The following PPP1R14C variants were observed in gnomAD, a reference collection of about 807,000 sequenced individuals.
PPP1R14C encodes protein phosphatase 1 regulatory subunit 14C.
Under a neutral mutation model 20.4 loss-of-function variants are expected in PPP1R14C, and 16 were observed. The ratio of observed to expected loss-of-function variants is 0.78; its 90% confidence interval spans 0.53 to 1.19. The LOEUF is 1.19. PPP1R14C is among the 50% of genes most tolerant of loss of function. The pLI, the probability that PPP1R14C is intolerant of heterozygous loss-of-function variation, is 0.00. For synonymous variants in PPP1R14C, 91 were observed against 91.0 expected (o/e 1.00, Z 0.00); for missense variants, 211 against 220.1 (o/e 0.96, Z 0.26).
At chr6:150,168,231 T>A (rs1240751693) in intron 1 of PPP1R14C, among the ~76,000 whole-genome samples, 6 of 142,440 alleles carry the variant, frequency 4.2e-5, no homozygotes, top group Non-Finnish European at 7.6e-5. Flanking sequence ...CTGGCTCTCA[T>A]GGGAGAAAAA....
At chr6:150,200,335 G>A (rs1477397863) in intron 1 of PPP1R14C, among the ~76,000 whole-genome samples, 1 of 152,056 alleles carries the variant, frequency 6.6e-6, no homozygotes, top group Admixed American at 6.5e-5. Flanking sequence ...ATTGGCAGTA[G>A]TCTCGGCTAC....
chr6:150,216,327 C>T (rs1284064375), intron 2 of PPP1R14C, among the ~76,000 whole-genome samples: 1 of 152,148 alleles, frequency 6.6e-6, no homozygotes, highest in Non-Finnish European at 1.5e-5. Flanking sequence ...AAAAACCTGT[C>T]TCTACTAAAA....
At chr6:150,209,689 ATTTG>A (rs1367244264) in intron 1 of PPP1R14C, among the ~76,000 whole-genome samples, 1 of 131,140 alleles carries the variant, frequency 7.6e-6, no homozygotes, top group East Asian at 2.3e-4. Context: ...TTGTGTATGT[ATTTG>A]TGTGTGTGTG....
chr6:150,165,156 T>C (rs1777410002), intron 1 of PPP1R14C, among the ~76,000 whole-genome samples: 1 of 152,256 alleles, frequency 6.6e-6, no homozygotes, highest in South Asian at 2.1e-4. Context: ...TTTGGCTCTA[T>C]ATAGATTCTA....
intron 3 of PPP1R14C, among the ~76,000 whole-genome samples, chr6:150,240,938 C>G (rs1029876657): frequency 6.6e-6 from 1 of 152,178 alleles, no homozygotes; most frequent in African/African-American, 2.4e-5. Context: ...CTATGTACAT[C>G]TTTTGTTATA....
chr6:150,151,047 TG>T (rs1265432685), intron 1 of PPP1R14C, among the ~76,000 whole-genome samples: 3 of 152,080 alleles, frequency 2.0e-5, no homozygotes, highest in South Asian at 2.1e-4. Flanking sequence ...TGTTTTGTTT[TG>T]TTTTTTTTTC....
At chr6:150,162,756 G>A (rs1206188609) in intron 1 of PPP1R14C, among the ~76,000 whole-genome samples, 6 of 152,186 alleles carry the variant, frequency 3.9e-5, no homozygotes, top group Non-Finnish European at 5.9e-5. Flanking sequence ...ATACAACAGC[G>A]AAAGAGTCCC....
At chr6:150,158,464 A>G (rs1777329008) in intron 1 of PPP1R14C, among the ~76,000 whole-genome samples, 1 of 152,222 alleles carries the variant, frequency 6.6e-6, no homozygotes, top group Non-Finnish European at 1.5e-5. Context: ...CAAGAGAATT[A>G]CCTTTCTGCA....
chr6:150,241,843 T>A (rs1457760600), intron 3 of PPP1R14C, among the ~76,000 whole-genome samples: 1 of 152,100 alleles, frequency 6.6e-6, no homozygotes, highest in African/African-American at 2.4e-5. Context: ...GCCGAGATCA[T>A]GCCATTGCAC....
chr6:150,173,419 CCCTT>C lies in PPP1R14C; in HGVS notation c.306+29924_306+29927del, dbSNP rs1168416094. Among the ~76,000 whole-genome samples, 12 of 152,208 alleles carry C rather than the reference CCCTT, an allele frequency of 7.9e-5. No homozygotes were observed. The South Asian group carries it at 2.5e-3, about 32-fold the overall frequency. ...AGCCTTTGGCACCCTCTCCTGGACT[CCCTT>C]CCCCAGATTCTCCCACCTTGCTGTA... On this transcript the variant is annotated intron_variant, in intron 1 of 3. Coordinates refer to ENST00000361131, the MANE Select transcript of PPP1R14C (RefSeq NM_030949.3).
chr6:150,225,793 A>G (rs1218049959), intron 3 of PPP1R14C, among the ~76,000 whole-genome samples: 1 of 152,258 alleles, frequency 6.6e-6, no homozygotes, highest in Non-Finnish European at 1.5e-5. Flanking sequence ...GTATTAAAGC[A>G]CATGACATAA....
intron 3 of PPP1R14C, among the ~76,000 whole-genome samples, chr6:150,217,535 C>A (rs1778110729): frequency 6.6e-6 from 1 of 151,982 alleles, no homozygotes; most frequent in South Asian, 2.1e-4. Context: ...GCAGGTCTGT[C>A]TTTCCAAAGA....
rs78306364 is a variant in PPP1R14C at position 150,248,941 on chromosome 6, C to T, written c.*121C>T. ...ACAACGTTTTTGTTTTTTTTTTTTT[C>T]TTTTTTGGTGTGAAGGTGGGGGGGT... is the stretch of plus-strand genomic sequence containing the variant. On this transcript the variant is annotated 3_prime_UTR_variant, in exon 4 of 4. Coordinates refer to ENST00000361131, the MANE Select transcript of PPP1R14C (RefSeq NM_030949.3). The T allele has an allele frequency of 0.019, 9,566 of 496,866 alleles. 604 individuals are homozygous for T. Among genetic ancestry groups the T allele is most frequent in the African/African-American group, 0.17 (8,193 of 48,408 alleles). The allele number at this position is 496,866 out of a possible 1,614,324, so 30.8% of individuals were successfully genotyped here. A position where few individuals can be genotyped will look rare whatever the true frequency, so the allele number is the denominator to read the frequency against.
intron 1 of PPP1R14C, among the ~76,000 whole-genome samples, chr6:150,197,768 G>C (rs962777921): frequency 3.3e-5 from 4 of 120,516 alleles, no homozygotes; most frequent in African/African-American, 3.1e-5. Flanking sequence ...TGTGCCCCTG[G>C]CCGCCACGGT....
chr6:150,158,534 C>T (rs1777330125), intron 1 of PPP1R14C, among the ~76,000 whole-genome samples: 1 of 152,150 alleles, frequency 6.6e-6, no homozygotes, highest in South Asian at 2.1e-4. Context: ...CTAGGTAAAA[C>T]TCTTTTTTCA....
At chr6:150,212,465 C>T (rs1347494330) in intron 1 of PPP1R14C, among the ~76,000 whole-genome samples, 3 of 151,742 alleles carry the variant, frequency 2.0e-5, no homozygotes, top group Non-Finnish European at 4.4e-5. Context: ...CACTGCTATG[C>T]AAGTCAAAGC....
chr6:150,209,933 ATG>A (rs1778001995), intron 1 of PPP1R14C, among the ~76,000 whole-genome samples: 1 of 147,618 alleles, frequency 6.8e-6, no homozygotes, highest in African/African-American at 2.5e-5. Flanking sequence ...GTGTGTGTGC[ATG>A]TGTGTGTATG....
chr6:150,236,073 C>T (rs1778356070), intron 3 of PPP1R14C, among the ~76,000 whole-genome samples: 1 of 152,192 alleles, frequency 6.6e-6, no homozygotes. Context: ...ATTGTGCCCT[C>T]CACCCCAGGG....
chr6:150,225,098 C>T lies in PPP1R14C; in HGVS notation c.423+8242C>T, dbSNP rs556241859. 1.1e-4 allele frequency among the ~76,000 whole-genome samples: 17 copies of T among 151,676 alleles called. No individual in the cohort carries two copies. The South Asian group carries it at 2.1e-3, about 19-fold the overall frequency. On this transcript the variant is annotated intron_variant, in intron 3 of 3. Transcript: ENST00000361131. ...TCTACTAAAACCCTGTCAGGTTAGG[C>T]TCTGGTTAGTTTCTCCTCAGGACAG...
Sources: allele counts gnomAD v4.1 joint callset (sites outside exome capture counted in the v4.1 genomes callset), GRCh38; gene constraint gnomAD v4.1.1; transcripts MANE v1.5; gene names NCBI Gene and HGNC (gene_info 2026-07-23, HGNC 2026-07-21).